The following MCOLN2 variants were observed in gnomAD, a reference collection of about 807,000 sequenced individuals.
The protein encoded by MCOLN2 is mucolipin TRP cation channel 2.
MCOLN2 carries 57 observed loss-of-function variants against 67.5 expected under a neutral mutation model. That is an observed-to-expected ratio of 0.84 (90% confidence interval 0.68 to 1.05). The LOEUF (loss-of-function observed/expected upper bound fraction) is 1.05, where lower values mean the gene tolerates loss of function less well. Among genes scored for constraint, MCOLN2 ranks in the 50% least tolerant of loss-of-function variants. MCOLN2 has a pLI of 0.00. For synonymous variants in MCOLN2, 246 were observed against 233.3 expected (o/e 1.05, Z -0.50); for missense variants, 620 against 678.8 (o/e 0.91, Z 0.96).
chr1:84,944,867 T>C (rs188021444), intron 7 of MCOLN2, among the ~76,000 whole-genome samples: 23 of 152,304 alleles, frequency 1.5e-4, no homozygotes, highest in Admixed American at 1.3e-3. Flanking sequence ...ATGTCGCCCT[T>C]GTCCTTGCCC....
intron 6 of MCOLN2, 139 bp from the exon 7 acceptor site, chr1:84,947,271 T>C (rs1262083348): frequency 1.7e-6 from 1 of 599,864 alleles, no homozygotes; most frequent in East Asian, 2.7e-5. Context: ...AATGGCTGAC[T>C]AGAATTACTT....
chr1:84,943,896 G>T (rs917879795), intron 7 of MCOLN2, among the ~76,000 whole-genome samples: 1 of 152,158 alleles, frequency 6.6e-6, no homozygotes, highest in Non-Finnish European at 1.5e-5. Context: ...TTATCTTGAG[G>T]TATCATCTAA....
intron 11 of MCOLN2, among the ~76,000 whole-genome samples, chr1:84,936,311 A>C (rs1411152608): frequency 1.3e-5 from 2 of 152,198 alleles, no homozygotes; most frequent in Non-Finnish European, 2.9e-5. Flanking sequence ...GATGGGGTGC[A>C]AAGGAGATGG....
chr1:84,995,109 G>GC (rs1651082793), intron 1 of MCOLN2, among the ~76,000 whole-genome samples: 1 of 152,042 alleles, frequency 6.6e-6, no homozygotes, highest in Non-Finnish European at 1.5e-5. Flanking sequence ...TCTTATATGG[G>GC]CACAGTTCAT....
chr1:84,956,385 T>C, intron 4 of MCOLN2, 46 bp downstream of exon 4: 1 of 1,588,314 alleles, frequency 6.3e-7, no homozygotes, highest in Non-Finnish European at 8.5e-7. Context: ...TTTCTGCTCT[T>C]ACCAGAAGAC....
intron 2 of MCOLN2, among the ~76,000 whole-genome samples, chr1:84,965,028 G>A (rs1399912647): frequency 6.6e-6 from 1 of 152,188 alleles, no homozygotes; most frequent in Non-Finnish European, 1.5e-5. Context: ...CCCAAAACTA[G>A]AGGAAAACTC....
rs1570939886 is a variant in MCOLN2 at position 84,929,692 on chromosome 1, C to T, written c.1543-13G>A. On this transcript the variant is annotated splice_polypyrimidine_tract_variant and intron_variant, in intron 12 of 13. Transcript: ENST00000370608. ...TCTGTTGGAATTTCTTTAGAAAGTA[C>T]ACAATGTTGTTACCTTATTTATAAG... 3.7e-6 allele frequency: 6 copies of T among 1,610,038 alleles called. No individual in the cohort carries two copies. Among genetic ancestry groups the T allele is most frequent in the East Asian group, 2.2e-5 (1 of 44,746 alleles).
At chr1:84,983,561 C>A (rs937758120) in intron 1 of MCOLN2, among the ~76,000 whole-genome samples, 1 of 152,058 alleles carries the variant, frequency 6.6e-6, no homozygotes, top group Admixed American at 6.6e-5. Flanking sequence ...TGAGACACTG[C>A]GCCTGGTCTG....
intron 6 of MCOLN2, 72 bp downstream of exon 6, chr1:84,952,171 T>G: frequency 2.0e-6 from 2 of 997,236 alleles, no homozygotes; most frequent in South Asian, 3.0e-5. Context: ...GCTGCTGTGT[T>G]TTATACTCTG....
At chr1:84,980,872 C>G (rs892460354) in intron 1 of MCOLN2, among the ~76,000 whole-genome samples, 2 of 152,108 alleles carry the variant, frequency 1.3e-5, no homozygotes, top group Non-Finnish European at 2.9e-5. Flanking sequence ...GAAAAGACAA[C>G]CCATAGAAAG....
At chr1:84,988,065 T>C (rs949723923) in intron 1 of MCOLN2, among the ~76,000 whole-genome samples, 3 of 152,128 alleles carry the variant, frequency 2.0e-5, no homozygotes, top group Non-Finnish European at 4.4e-5. Context: ...ACTACTGAAA[T>C]AATTTTTTTA....
intron 4 of MCOLN2, among the ~76,000 whole-genome samples, chr1:84,955,586 G>A (rs1013474492): frequency 5.9e-5 from 9 of 152,164 alleles, no homozygotes; most frequent in Non-Finnish European, 1.2e-4. Context: ...TTCTAAATGG[G>A]ATGGGAAGCC....
chr1:84,948,893 G>A (rs894967003), intron 6 of MCOLN2, among the ~76,000 whole-genome samples: 1 of 152,240 alleles, frequency 6.6e-6, no homozygotes, highest in Non-Finnish European at 1.5e-5. Flanking sequence ...ACTTTGGAAG[G>A]CCAAGGCAGG....
intron 1 of MCOLN2, among the ~76,000 whole-genome samples, chr1:84,994,706 C>T (rs1046856900): frequency 7.2e-5 from 11 of 152,218 alleles, no homozygotes; most frequent in African/African-American, 2.7e-4. Context: ...TCTATCCAGA[C>T]CACAAAAACT....
chr1:84,953,343 A>G (rs1425246512), intron 4 of MCOLN2, among the ~76,000 whole-genome samples: 1 of 152,126 alleles, frequency 6.6e-6, no homozygotes, highest in Non-Finnish European at 1.5e-5. Flanking sequence ...TGAGGTTAGG[A>G]GTTCAAAACC....
At chr1:84,956,308 A>G in intron 4 of MCOLN2, 123 bp downstream of exon 4, 2 of 876,288 alleles carry the variant, frequency 2.3e-6, no homozygotes, top group Non-Finnish European at 1.8e-6. Context: ...TTGGAGTGTC[A>G]GCCCCTAACA....
intron 9 of MCOLN2, among the ~76,000 whole-genome samples, chr1:84,938,804 G>A (rs1236747098): frequency 2.0e-5 from 3 of 152,180 alleles, no homozygotes; most frequent in Non-Finnish European, 4.4e-5. Flanking sequence ...GCTGCTGAGG[G>A]AGGCCACTTC....
At chr1:84,929,514 G>A (rs1274687730) in intron 13 of MCOLN2, 44 bp downstream of exon 13, 3 of 1,553,748 alleles carry the variant, frequency 1.9e-6, no homozygotes, top group East Asian at 4.6e-5. Flanking sequence ...TAAGACAACA[G>A]AACAGCCCAT....
chr1:84,932,054 C>A (rs1460089312), intron 11 of MCOLN2, among the ~76,000 whole-genome samples: 4 of 148,318 alleles, frequency 2.7e-5, no homozygotes, highest in Admixed American at 2.0e-4. Context: ...ACACACACAC[C>A]CCTCCATACT....
Sources: gnomAD v4.1 joint callset for allele counts (sites outside exome capture counted in the v4.1 genomes callset) on GRCh38, gnomAD v4.1.1 for gene constraint, MANE v1.5 for transcripts, NCBI Gene and HGNC (gene_info 2026-07-23, HGNC 2026-07-21) for gene names.